NCOA3: variants seen among roughly 807,000 people sequenced by gnomAD.
NCOA3 encodes CBP-interacting protein.
Under a neutral mutation model 158.8 loss-of-function variants are expected in NCOA3, and 51 were observed. The ratio of observed to expected loss-of-function variants is 0.32; its 90% confidence interval spans 0.26 to 0.41. The LOEUF (loss-of-function observed/expected upper bound fraction) is 0.41, where lower values mean the gene tolerates loss of function less well. Among genes scored for constraint, NCOA3 ranks in the 10% least tolerant of loss-of-function variants. The probability of loss-of-function intolerance (pLI) is 1.00; values close to 1 mark genes in which losing one functional copy is unlikely to be tolerated. For synonymous variants in NCOA3, 537 were observed against 592.4 expected, an observed-to-expected ratio of 0.91 and a Z score of 1.36; for missense variants, 1,510 against 1,746.6, an observed-to-expected ratio of 0.86 and a Z score of 2.41.
At chr20:47,647,914 G>GTTTTTTT (rs1445300112) in intron 18 of NCOA3, among the ~76,000 whole-genome samples, 1 of 126,046 alleles carries the variant, frequency 7.9e-6, no homozygotes, top group African/African-American at 3.1e-5. Flanking sequence ...TGTTTGTTTT[G>GTTTTTTT]TTTTGTTTTT....
intron 1 of NCOA3, among the ~76,000 whole-genome samples, chr20:47,529,833 A>G (rs918079486): frequency 2.0e-5 from 3 of 152,258 alleles, no homozygotes; most frequent in African/African-American, 7.2e-5. Context: ...TACATTTAAG[A>G]AGGCTAGTTT....
At chr20:47,518,747 T>C (rs1440072163) in intron 1 of NCOA3, among the ~76,000 whole-genome samples, 1 of 152,044 alleles carries the variant, frequency 6.6e-6, no homozygotes, top group Non-Finnish European at 1.5e-5. Flanking sequence ...TTAAAGCTTA[T>C]AAAAGGATTA....
rs758792756 is a variant in NCOA3 at position 47,634,162 on chromosome 20, G to C, written c.1079G>C (p.Arg360Pro). 2.9e-5 allele frequency: 47 copies of C among 1,613,932 alleles called. No homozygotes were observed. The highest frequency in any genetic ancestry group is 3.9e-5 in the Non-Finnish European group (46 of 1,180,002). The change falls in exon 10 of 23, where the codon CGA becomes CCA. Residue 360 changes from arginine (R) to proline (P), a missense_variant. This residue lies in a region of NCOA3 where 1,017 missense variants were observed against 1,098.3 expected (regional missense o/e 0.93). Transcript: ENST00000371998. ...TTCCGAAATCCTGTAACAAATGATCGACATGGCTTTGTCTCAACCCACTTC... is the reference window on the plus strand; with the variant it reads ...TTCCGAAATCCTGTAACAAATGATCCACATGGCTTTGTCTCAACCCACTTC... ...KLFRNPVTND[R>P]HGFVSTHFLQ...
At chr20:47,592,383 C>T (rs772995472) in intron 2 of NCOA3, among the ~76,000 whole-genome samples, 17 of 152,180 alleles carry the variant, frequency 1.1e-4, no homozygotes, top group Non-Finnish European at 1.6e-4. Context: ...AGGTTCTAAC[C>T]ATTTTTCTTC....
At chr20:47,571,518 A>G (rs768077902) in intron 1 of NCOA3, among the ~76,000 whole-genome samples, 10 of 151,332 alleles carry the variant, frequency 6.6e-5, no homozygotes, top group Admixed American at 4.6e-4. Context: ...AGGTTTCACT[A>G]TGTTGCCCAG....
chr20:47,517,463 T>C (rs553019374), intron 1 of NCOA3, among the ~76,000 whole-genome samples: 1 of 148,786 alleles, frequency 6.7e-6, no homozygotes, highest in South Asian at 2.1e-4. Context: ...TTTTTTTTTT[T>C]TTTTTGAGAA....
chr20:47,519,135 CAAAAA>C (rs1175023080), intron 1 of NCOA3, among the ~76,000 whole-genome samples: 1 of 121,164 alleles, frequency 8.3e-6, no homozygotes, highest in East Asian at 2.5e-4. Flanking sequence ...GACTCCATCT[CAAAAA>C]AAAAAAAGAA....
intron 2 of NCOA3, among the ~76,000 whole-genome samples, chr20:47,621,499 T>C (rs2086239939): frequency 1.3e-5 from 2 of 152,274 alleles, no homozygotes; most frequent in Non-Finnish European, 1.5e-5. Flanking sequence ...ACAGTGATCG[T>C]CTTGTTTTAA....
chr20:47,515,034 A>G (rs2084209966), intron 1 of NCOA3, among the ~76,000 whole-genome samples: 1 of 151,972 alleles, frequency 6.6e-6, no homozygotes, highest in Non-Finnish European at 1.5e-5. Context: ...GTGTTAAAAA[A>G]AAAAAATTCT....
chr20:47,643,774 A>G (rs948545114), intron 17 of NCOA3, among the ~76,000 whole-genome samples: 6 of 151,366 alleles, frequency 4.0e-5, no homozygotes, highest in Non-Finnish European at 8.8e-5. Context: ...ACCCTCCTAC[A>G]TGTCTGGCTA....
At chr20:47,509,093 G>A (rs957272024) in intron 1 of NCOA3, among the ~76,000 whole-genome samples, 1 of 152,132 alleles carries the variant, frequency 6.6e-6, no homozygotes, top group Non-Finnish European at 1.5e-5. Context: ...GCAGCTTTCA[G>A]TGCTGACTTA....
intron 1 of NCOA3, among the ~76,000 whole-genome samples, chr20:47,528,336 C>G (rs537430897): frequency 6.6e-6 from 1 of 152,218 alleles, no homozygotes; most frequent in East Asian, 1.9e-4. Context: ...AGAGCTTCAT[C>G]TTTTTATCTA....
chr20:47,597,734 C>T (rs2425978), intron 2 of NCOA3, among the ~76,000 whole-genome samples: 39,268 of 151,172 alleles, frequency 0.26, 5,246 homozygotes, highest in Middle Eastern at 0.35. Flanking sequence ...GGTGATCCAC[C>T]GGCCTCGGCC....
Position 47,501,949 on chromosome 20 carries a change from C to A in NCOA3, c.-169C>A. On this transcript the variant is annotated 5_prime_UTR_variant, in exon 1 of 23. Transcript: ENST00000371998. ...CGGCTGCGGCTTAGTCGGTGGCGGC[C>A]GGCGGCGGCTGCGGGCTGAGCGGCG... 5.0e-6 allele frequency: 2 copies of A among 400,842 alleles called. No individual in the cohort carries two copies. The highest frequency in any genetic ancestry group is 8.8e-5 in the Admixed American group (2 of 22,752). The allele number at this position is 400,842 out of a possible 1,614,324, so 24.8% of individuals were successfully genotyped here.
intron 4 of NCOA3, among the ~76,000 whole-genome samples, chr20:47,624,641 A>G (rs2146301791): frequency 6.6e-6 from 1 of 152,050 alleles, no homozygotes; most frequent in South Asian, 2.1e-4. Context: ...GGGGTTGGGG[A>G]CCCCTGTTTT....
chr20:47,536,409 C>CTTA (rs1209902759), intron 1 of NCOA3, among the ~76,000 whole-genome samples: 2 of 152,170 alleles, frequency 1.3e-5, no homozygotes, highest in Non-Finnish European at 2.9e-5. Flanking sequence ...AATGTTAATG[C>CTTA]TTACCTGGTA....
chr20:47,610,414 C>T (rs2086024556), intron 2 of NCOA3, among the ~76,000 whole-genome samples: 1 of 152,136 alleles, frequency 6.6e-6, no homozygotes, highest in African/African-American at 2.4e-5. Flanking sequence ...GAGACAGAAT[C>T]TCACTATGTT....
Position 47,639,564 on chromosome 20 carries a change from C to G in NCOA3, c.2708-13C>G. ...TAATATGGAAAAGACCTAAGTATGG[C>G]TACCTGTTTTAGGTGGGCCAAACCG... On this transcript the variant is annotated splice_polypyrimidine_tract_variant and intron_variant, in intron 14 of 22. Transcript: ENST00000371998. The G allele has an allele frequency of 6.2e-7, 1 of 1,612,470 alleles. No individual in the cohort carries two copies. Among genetic ancestry groups the G allele is most frequent in the South Asian group, 1.1e-5 (1 of 90,990 alleles).
In NCOA3 at chr20:47,516,919, TAAA is replaced by T. The variant is rs3092586; in HGVS notation, c.-99+14917_-99+14919del. ...CCTGGGCAAGAGTGAGACCCTGTCT[TAAA>T]AAAAAAAAAAAAAAAATTTGCTGGG... is the stretch of plus-strand genomic sequence containing the variant. On this transcript the variant is annotated intron_variant, in intron 1 of 22. Coordinates refer to ENST00000371998, the MANE Select transcript of NCOA3 (RefSeq NM_181659.3). Among the ~76,000 whole-genome samples, 495 of 126,312 alleles carry T rather than the reference TAAA, an allele frequency of 3.9e-3. 4 individuals carry two copies. The highest frequency in any genetic ancestry group is 0.013 in the African/African-American group (453 of 34,734). The allele number at this position is 126,312 out of a possible 152,430, so 82.9% of individuals were successfully genotyped here.
Sources: gnomAD v4.1 joint callset for allele counts (sites outside exome capture counted in the v4.1 genomes callset) on GRCh38, gnomAD v4.1.1 for gene constraint, gnomAD v4.1.1 regional missense constraint, MANE v1.5 for transcripts, NCBI Gene and HGNC (gene_info 2026-07-23, HGNC 2026-07-21) for gene names.